Variants in UPK3BL2 observed in about 807,000 individuals in gnomAD.
The protein encoded by UPK3BL2 is uroplakin 3B like 2, also known as uroplakin-3b-like protein 2.
A neutral mutation model predicts 11.3 loss-of-function variants in UPK3BL2; 1 was observed. That is an observed-to-expected ratio of 0.09 (90% confidence interval 0.03 to 0.42). The LOEUF is 0.42. Ranked by LOEUF, UPK3BL2 falls within the 10% of genes least tolerant of loss-of-function variation. The pLI, the probability that UPK3BL2 is intolerant of heterozygous loss-of-function variation, is 0.98.
intron 5 of UPK3BL2, among the ~76,000 whole-genome samples, chr7:102,539,055 C>CA (rs1276103978): frequency 5.1e-4 from 17 of 33,258 alleles, no homozygotes; most frequent in East Asian, 4.7e-3. Flanking sequence ...ATCCTGACAC[C>CA]CCCCCCTTTT....
intron 1 of UPK3BL2, among the ~76,000 whole-genome samples, chr7:102,542,998 G>GGA (rs1563690902): frequency 1.7e-5 from 2 of 116,600 alleles, no homozygotes; most frequent in Non-Finnish European, 3.7e-5. Flanking sequence ...ACTCTGTCTC[G>GGA]AAAAAAAAAA....
At chr7:102,542,709 A>G in intron 1 of UPK3BL2, 5 of 944,376 alleles carry the variant, frequency 5.3e-6, no homozygotes, top group Non-Finnish European at 6.3e-6. Context: ...GTTTAGAAAG[A>G]GAAGTGGAGG....
chr7:102,540,859 A>C (rs1354089914), intron 3 of UPK3BL2, among the ~76,000 whole-genome samples: 6 of 113,896 alleles, frequency 5.3e-5, no homozygotes, highest in African/African-American at 1.6e-4. Context: ...ACAAAACAAA[A>C]AAAAAAAAAA....
At chr7:102,540,855 C>A (rs199915753) in intron 3 of UPK3BL2, among the ~76,000 whole-genome samples, 9,202 of 61,282 alleles carry the variant, frequency 0.15, 82 homozygotes, top group East Asian at 0.3. Context: ...AAAAACAAAA[C>A]AAAAAAAAAA....
intron 3 of UPK3BL2, among the ~76,000 whole-genome samples, chr7:102,540,749 C>A (rs1162285526): frequency 1.3e-5 from 2 of 151,386 alleles, no homozygotes. Context: ...TAGGCTGAGG[C>A]TGGAGAATCG....
chr7:102,540,861 A>AAG (rs1800230734), intron 3 of UPK3BL2, among the ~76,000 whole-genome samples: 4 of 125,212 alleles, frequency 3.2e-5, no homozygotes, highest in Non-Finnish European at 6.8e-5. Context: ...AAAACAAAAA[A>AAG]AAAAAAAAAA....
chr7:102,540,855 C>CAAAAAAAAAAAAA (rs1158192702), intron 3 of UPK3BL2, among the ~76,000 whole-genome samples: 115 of 61,200 alleles, frequency 1.9e-3, no homozygotes, highest in African/African-American at 3.5e-3. Flanking sequence ...AAAAACAAAA[C>CAAAAAAAAAAAAA]AAAAAAAAAA....
intron 3 of UPK3BL2, among the ~76,000 whole-genome samples, chr7:102,540,875 A>AAAAAAAAAG (rs1800235916): frequency 1.7e-5 from 2 of 118,868 alleles, no homozygotes; most frequent in Non-Finnish European, 1.8e-5. Flanking sequence ...AAAAAAAAAA[A>AAAAAAAAAG]AGAAGAAAAG....
intron 3 of UPK3BL2, among the ~76,000 whole-genome samples, chr7:102,540,855 C>CAAAAAA (rs1158192702): frequency 5.9e-4 from 36 of 61,272 alleles, no homozygotes; most frequent in African/African-American, 7.2e-4. Context: ...AAAAACAAAA[C>CAAAAAA]AAAAAAAAAA....
At chr7:102,540,881 A>G (rs1800239093) in intron 3 of UPK3BL2, among the ~76,000 whole-genome samples, 2 of 103,460 alleles carry the variant, frequency 1.9e-5, no homozygotes, top group Admixed American at 1.9e-4. Flanking sequence ...AAAAAAGAAG[A>G]AAAGGAAAAA....
At chr7:102,540,869 AAAAAAAAGAAG>A (rs1800233648) in intron 3 of UPK3BL2, among the ~76,000 whole-genome samples, 2 of 131,594 alleles carry the variant, frequency 1.5e-5, no homozygotes, top group Non-Finnish European at 1.7e-5. Context: ...AAAAAAAAAA[AAAAAAAAGAAG>A]AAAAGGAAAA....
rs1479651896 is a variant in UPK3BL2, at chr7:102,540,855, C to CAAAACAAAAAAAAAAAAAA, written c.485+237_485+238insTTTTTTTTTTTTTTGTTTT. Reference sequence around the variant, plus strand: ...CAAGACTCCATCTCAAAAAACAAAACAAAAAAAAAAAAAAAAAAAAAGAAG... The same window carrying CAAAACAAAAAAAAAAAAAA: ...CAAGACTCCATCTCAAAAAACAAAACAAAACAAAAAAAAAAAAAAAAAAAAAAAAAAAAAAAAAAAGAAG... On this transcript the variant is annotated intron_variant, in intron 3 of 5. Coordinates refer to ENST00000644544, the Ensembl canonical transcript of UPK3BL2. Among the ~76,000 whole-genome samples the CAAAACAAAAAAAAAAAAAA allele has an allele frequency of 3.3e-4, 20 of 61,270 alleles. 1 individual carries two copies. The highest frequency in any genetic ancestry group is 1.1e-3 in the South Asian group (2 of 1,856). 40.2% of individuals were successfully genotyped at this position (61,270 alleles called of 152,430 possible). A position where few individuals can be genotyped will look rare whatever the true frequency, so the allele number is the denominator to read the frequency against.
chr7:102,540,867 AAAAAAAAAAG>A (rs1800232927), intron 3 of UPK3BL2, among the ~76,000 whole-genome samples: 1 of 132,038 alleles, frequency 7.6e-6, no homozygotes, highest in Non-Finnish European at 1.7e-5. Flanking sequence ...AAAAAAAAAA[AAAAAAAAAAG>A]AAGAAAAGGA....
intron 3 of UPK3BL2, among the ~76,000 whole-genome samples, 180 bp downstream of exon 3, chr7:102,540,913 A>C (rs1800246645): frequency 7.5e-6 from 1 of 132,944 alleles, no homozygotes; most frequent in Non-Finnish European, 1.7e-5. Flanking sequence ...GAAGAAGGAT[A>C]ATTCATGTAA....
chr7:102,540,874 A>AAAAAAAAAAAAG (rs1554587419), intron 3 of UPK3BL2, among the ~76,000 whole-genome samples: 4 of 119,612 alleles, frequency 3.3e-5, no homozygotes, highest in Admixed American at 1.7e-4. Context: ...AAAAAAAAAA[A>AAAAAAAAAAAAG]AAGAAGAAAA....
chr7:102,540,859 AAAAAAAAAAAAAAAAAAGAAGAAAAGG>A (rs1400688726), intron 3 of UPK3BL2, among the ~76,000 whole-genome samples: 501 of 112,956 alleles, frequency 4.4e-3, no homozygotes, highest in African/African-American at 0.015. Flanking sequence ...ACAAAACAAA[AAAAAAAAAAAAAAAAAAGAAGAAAAGG>A]AAAAAAAAAA....
At chr7:102,542,918 A>T (rs1291561303) in intron 1 of UPK3BL2, among the ~76,000 whole-genome samples, 1 of 152,266 alleles carries the variant, frequency 6.6e-6, no homozygotes, top group African/African-American at 2.4e-5. Context: ...GAATTGCTTG[A>T]ACCCGAGAGG....
In UPK3BL2 at chr7:102,540,855, CAAAAAA is replaced by C. The variant is rs1158192702; in HGVS notation, c.485+232_485+237del. Among the ~76,000 whole-genome samples, 520 of 61,106 alleles carry C rather than the reference CAAAAAA, an allele frequency of 8.5e-3. 1 individual carries two copies. Among genetic ancestry groups the C allele is most frequent in the African/African-American group, 0.023 (483 of 20,642 alleles). The allele number at this position is 61,106 out of a possible 152,430, so 40.1% of individuals were successfully genotyped here. A position where few individuals can be genotyped will look rare whatever the true frequency, so the allele number is the denominator to read the frequency against. On this transcript the variant is annotated intron_variant, in intron 3 of 5. Transcript: ENST00000644544. ...CAAGACTCCATCTCAAAAAACAAAA[CAAAAAA>C]AAAAAAAAAAAAAAAGAAGAAAAGG...
chr7:102,540,867 A>AAC lies in UPK3BL2; in HGVS notation c.485+225_485+226insGT, dbSNP rs1800232778. Among the ~76,000 whole-genome samples the AAC allele has an allele frequency of 2.3e-5, 3 of 132,036 alleles. No individual in the cohort carries two copies. In the Admixed American group the frequency reaches 2.3e-4, roughly 10 times the overall value. 86.6% of individuals were successfully genotyped at this position (132,036 alleles called of 152,430 possible). ...TCAAAAAACAAAACAAAAAAAAAAAAAAAAAAAAAGAAGAAAAGGAAAAAA... is the reference window on the plus strand; with the variant it reads ...TCAAAAAACAAAACAAAAAAAAAAAAACAAAAAAAAAGAAGAAAAGGAAAAAA... On this transcript the variant is annotated intron_variant, in intron 3 of 5. Coordinates refer to ENST00000644544, the Ensembl canonical transcript of UPK3BL2.
Sources: gnomAD v4.1 joint callset for allele counts (sites outside exome capture counted in the v4.1 genomes callset) on GRCh38, gnomAD v4.1.1 for gene constraint, MANE v1.5 for transcripts, NCBI Gene and HGNC (gene_info 2026-07-23, HGNC 2026-07-21) for gene names.